POLN: variants seen among roughly 807,000 people sequenced by gnomAD.
POLN encodes DNA polymerase nu.
Under a neutral mutation model 113.5 loss-of-function variants are expected in POLN, and 108 were observed. The observed-to-expected ratio is 0.95, with a 90% CI of 0.81 to 1.12. POLN has a LOEUF of 1.12. Among genes scored for constraint, POLN ranks in the 50% most tolerant of loss-of-function variants. The pLI is 0.00. For synonymous variants in POLN, 386 were observed against 391.5 expected (o/e 0.99, Z 0.17); for missense variants, 1,097 against 1,077.1 (o/e 1.02, Z -0.26).
chr4:2,193,130 C>T, intron 7 of POLN, 74 bp downstream of exon 7: 1 of 1,164,822 alleles, frequency 8.6e-7, no homozygotes, highest in Non-Finnish European at 1.2e-6. Flanking sequence ...TGGCTGCCCT[C>T]ACCATTCTCC....
chr4:2,138,371 T>C (rs2108729754), intron 16 of POLN, among the ~76,000 whole-genome samples: 2 of 152,252 alleles, frequency 1.3e-5, no homozygotes, highest in East Asian at 3.9e-4. Context: ...GCTGTGGAGC[T>C]GGGCTTGCAT....
chr4:2,134,333 T>C lies in POLN; in HGVS notation c.1732-3043A>G, dbSNP rs569938790. ...GATGCCATAAGCATTTGTGTGCAGG[T>C]TCTTGTGTGGACATAAGTTTTCAAA... On this transcript the variant is annotated intron_variant, in intron 16 of 25. Coordinates refer to ENST00000511885, the MANE Select transcript of POLN (RefSeq NM_181808.4). Among the ~76,000 whole-genome samples the C allele has an allele frequency of 2.0e-5, 3 of 152,332 alleles. No homozygotes were observed. The South Asian group carries it at 6.2e-4, about 32-fold the overall frequency.
intron 23 of POLN, among the ~76,000 whole-genome samples, chr4:2,076,110 C>T (rs1730269012): frequency 6.8e-6 from 1 of 147,070 alleles, no homozygotes; most frequent in Admixed American, 6.6e-5. Flanking sequence ...TCAGGTGCCC[C>T]TCCCAGGGCG....
intron 23 of POLN, chr4:2,080,669 C>T (rs1730386772): frequency 1.5e-6 from 2 of 1,324,986 alleles, no homozygotes; most frequent in Middle Eastern, 3.0e-4. Context: ...TGGGCAGCCT[C>T]AAGGGGTGCC....
At chr4:2,076,142 A>T (rs1560963663) in intron 23 of POLN, among the ~76,000 whole-genome samples, 1 of 152,110 alleles carries the variant, frequency 6.6e-6, no homozygotes, top group Admixed American at 6.5e-5. Flanking sequence ...AGCAAGTGGG[A>T]CCCAAGTGGA....
intron 23 of POLN, chr4:2,079,920 T>C (rs1730364296): frequency 1.1e-5 from 11 of 985,584 alleles, no homozygotes; most frequent in Non-Finnish European, 1.3e-5. Context: ...TCCTGCCTTC[T>C]GACCACTTCA....
intron 9 of POLN, among the ~76,000 whole-genome samples, chr4:2,175,224 T>C (rs1010935924): frequency 6.6e-6 from 1 of 152,202 alleles, no homozygotes; most frequent in South Asian, 2.1e-4. Context: ...CTCTTCCTAA[T>C]GAACTCTTAT....
Position 2,157,864 on chromosome 4 carries a change from C to T in POLN, c.1659G>A (p.Met553Ile). The change falls in exon 15 of 26, where the codon ATG (methionine) becomes ATA (isoleucine). Residue 553 changes from methionine to isoleucine, a missense_variant. Coordinates refer to ENST00000511885, the MANE Select transcript of POLN (RefSeq NM_181808.4). ...STFVDGLLACMKKGSISSTWN... is the reference protein window; with the variant it reads ...STFVDGLLACIKKGSISSTWN... Reference sequence around the variant, plus strand: ...TTTTTGTAAAGCTTGTTACCTTTTTCATGCAAGCTAGTAATCCATCTACAA... The same window carrying T: ...TTTTTGTAAAGCTTGTTACCTTTTTTATGCAAGCTAGTAATCCATCTACAA... 3 of 1,601,796 alleles carry T rather than the reference C, an allele frequency of 1.9e-6. No individual in the cohort carries two copies. The highest frequency in any genetic ancestry group is 3.4e-4 in the Middle Eastern group (2 of 5,970).
chr4:2,098,386 T>C (rs1449617807), intron 19 of POLN, among the ~76,000 whole-genome samples: 2 of 152,160 alleles, frequency 1.3e-5, no homozygotes, highest in African/African-American at 2.4e-5. Context: ...GCCACTGCAC[T>C]CCAGCCTGGG....
intron 19 of POLN, among the ~76,000 whole-genome samples, chr4:2,123,816 A>C (rs530282557): frequency 6.6e-6 from 1 of 151,814 alleles, no homozygotes; most frequent in Non-Finnish European, 1.5e-5. Context: ...AAAAAAAACC[A>C]AAACCGAAGC....
rs574496834 is a variant in POLN at position 2,194,206 on chromosome 4, A to C, written c.909-890T>G. On this transcript the variant is annotated intron_variant, in intron 6 of 25. Coordinates refer to ENST00000511885, the MANE Select transcript of POLN (RefSeq NM_181808.4). ...TAACAAATGGCAATGCTGGGATCTG[A>C]GACCATATCTTCCTGCTGCCAGGGT... Among the ~76,000 whole-genome samples, 17 of 152,302 alleles carry C rather than the reference A, an allele frequency of 1.1e-4. No individual in the cohort carries two copies. The South Asian group carries it at 2.9e-3, about 26-fold the overall frequency.
intron 5 of POLN, among the ~76,000 whole-genome samples, chr4:2,207,233 T>G (rs1251457733): frequency 6.6e-6 from 1 of 151,988 alleles, no homozygotes; most frequent in Non-Finnish European, 1.5e-5. Context: ...CACAGTGGAC[T>G]TTGGGGACTC....
At chr4:2,179,801 G>C (rs1334798651) in intron 7 of POLN, among the ~76,000 whole-genome samples, 4 of 152,146 alleles carry the variant, frequency 2.6e-5, no homozygotes, top group African/African-American at 9.7e-5. Context: ...CGTGGGTCAT[G>C]CTACCTGCCT....
At chr4:2,099,489 C>A (rs558844770) in intron 19 of POLN, among the ~76,000 whole-genome samples, 8 of 152,324 alleles carry the variant, frequency 5.3e-5, no homozygotes, top group African/African-American at 1.9e-4. Flanking sequence ...GGACATTCTA[C>A]AAAATACCTG....
At chr4:2,135,644 C>T (rs1477540934) in intron 16 of POLN, among the ~76,000 whole-genome samples, 1 of 152,188 alleles carries the variant, frequency 6.6e-6, no homozygotes, top group African/African-American at 2.4e-5. Context: ...TGGTGGGAAG[C>T]GACAACTAAC....
intron 2 of POLN, among the ~76,000 whole-genome samples, chr4:2,237,797 A>G (rs1428196510): frequency 1.3e-5 from 2 of 152,218 alleles, no homozygotes; most frequent in African/African-American, 2.4e-5. Flanking sequence ...ATAAATAGCT[A>G]TAATAGTAAA....
At chr4:2,148,822 G>T (rs1042187891) in intron 16 of POLN, among the ~76,000 whole-genome samples, 3 of 152,192 alleles carry the variant, frequency 2.0e-5, no homozygotes, top group South Asian at 2.1e-4. Context: ...TGGTGATAAG[G>T]TAAAAGCAGT....
chr4:2,210,630 T>TAATA (rs1009445902), intron 4 of POLN, among the ~76,000 whole-genome samples: 2 of 88,604 alleles, frequency 2.3e-5, no homozygotes, highest in Non-Finnish European at 4.1e-5. Context: ...ATAATAATAA[T>TAATA]AAAAAAAAGA....
intron 2 of POLN, among the ~76,000 whole-genome samples, chr4:2,237,334 G>C (rs1427003621): frequency 1.3e-5 from 2 of 151,454 alleles, no homozygotes; most frequent in Non-Finnish European, 2.9e-5. Context: ...TACTCAGGAA[G>C]TTGAGGCAGG....
Sources: allele counts gnomAD v4.1 joint callset (sites outside exome capture counted in the v4.1 genomes callset), GRCh38; gene constraint gnomAD v4.1.1; transcripts MANE v1.5; gene names NCBI Gene and HGNC (gene_info 2026-07-23, HGNC 2026-07-21).